The following RFX3 variants were observed in gnomAD, a reference collection of about 807,000 sequenced individuals.
The protein encoded by RFX3 is transcription factor RFX3.
RFX3 carries 14 observed loss-of-function variants against 98.6 expected under a neutral mutation model. The ratio of observed to expected loss-of-function variants is 0.14; its 90% CI spans 0.09 to 0.22. The LOEUF is 0.22. Among genes scored for constraint, RFX3 ranks in the 10% least tolerant of loss-of-function variants. The probability of loss-of-function intolerance (pLI) is 1.00; values close to 1 mark genes in which losing one functional copy is unlikely to be tolerated. For missense variants in RFX3, 639 were observed against 926.9 expected (o/e 0.69, Z 4.03); for synonymous variants, 383 against 328.4 (o/e 1.17, Z -1.80).
At chr9:3,304,513 T>C (rs2130199683) in intron 4 of RFX3, among the ~76,000 whole-genome samples, 1 of 152,074 alleles carries the variant, frequency 6.6e-6, no homozygotes, top group Non-Finnish European at 1.5e-5. Flanking sequence ...CCCACCCAAA[T>C]CTCATCTTGA....
At chr9:3,509,281 T>C (rs1036640824) in intron 1 of RFX3, among the ~76,000 whole-genome samples, 2 of 151,936 alleles carry the variant, frequency 1.3e-5, no homozygotes, top group African/African-American at 4.8e-5. Context: ...CTGCCAGTAT[T>C]TTACTTTTGT....
chr9:3,301,960 T>C (rs1214814507), intron 4 of RFX3, among the ~76,000 whole-genome samples: 1 of 151,918 alleles, frequency 6.6e-6, no homozygotes, highest in Non-Finnish European at 1.5e-5. Flanking sequence ...ATAGTAACTA[T>C]TCTCTTTCTA....
At chr9:3,475,834 C>G (rs902631428) in intron 1 of RFX3, among the ~76,000 whole-genome samples, 2 of 152,182 alleles carry the variant, frequency 1.3e-5, no homozygotes, top group African/African-American at 4.8e-5. Flanking sequence ...AGAGTGTCTT[C>G]TCTAAACTCC....
intron 15 of RFX3, 26 bp from the exon 16 acceptor site, chr9:3,228,915 A>G: frequency 1.3e-6 from 2 of 1,594,010 alleles, no homozygotes; most frequent in South Asian, 2.2e-5. Flanking sequence ...CATTTGTGCA[A>G]TAGTTAATAT....
At chr9:3,446,951 GAAA>G (rs991622693) in intron 1 of RFX3, among the ~76,000 whole-genome samples, 5 of 152,002 alleles carry the variant, frequency 3.3e-5, no homozygotes, top group Admixed American at 6.6e-5. Flanking sequence ...TCAGCTAATG[GAAA>G]AATTATTTTA....
At chr9:3,412,854 A>C (rs946765667) in intron 1 of RFX3, among the ~76,000 whole-genome samples, 1 of 152,180 alleles carries the variant, frequency 6.6e-6, no homozygotes, top group Non-Finnish European at 1.5e-5. Context: ...TTCCAAATTG[A>C]ATATTAATAA....
chr9:3,474,419 C>T (rs1210687092), intron 1 of RFX3, among the ~76,000 whole-genome samples: 2 of 152,276 alleles, frequency 1.3e-5, no homozygotes, highest in Non-Finnish European at 2.9e-5. Context: ...TATGAAAGTA[C>T]CACTGAAGTT....
intron 15 of RFX3, among the ~76,000 whole-genome samples, chr9:3,246,441 G>C (rs1380665538): frequency 6.6e-6 from 1 of 152,136 alleles, no homozygotes; most frequent in Non-Finnish European, 1.5e-5. Context: ...TTGTTCCCTA[G>C]AGATGCAAGG....
intron 1 of RFX3, among the ~76,000 whole-genome samples, chr9:3,431,222 G>A (rs1178751421): frequency 6.6e-6 from 1 of 152,092 alleles, no homozygotes; most frequent in Non-Finnish European, 1.5e-5. Context: ...ATCTCTTACA[G>A]TTCTCACGTA....
chr9:3,309,285 T>G (rs1294460306), intron 4 of RFX3, among the ~76,000 whole-genome samples: 1 of 152,028 alleles, frequency 6.6e-6, no homozygotes, highest in Non-Finnish European at 1.5e-5. Flanking sequence ...ACACAAAGAT[T>G]AGTGGAGCTC....
intron 2 of RFX3, among the ~76,000 whole-genome samples, chr9:3,372,739 C>A (rs1245783057): frequency 6.6e-6 from 1 of 151,890 alleles, no homozygotes; most frequent in South Asian, 2.1e-4. Flanking sequence ...GTGCCCGCCA[C>A]CACACCTAGC....
intron 12 of RFX3, among the ~76,000 whole-genome samples, chr9:3,263,436 G>C (rs1823182737): frequency 6.6e-6 from 1 of 151,972 alleles, no homozygotes; most frequent in South Asian, 2.1e-4. Context: ...TTTTTTTACT[G>C]TTCTTTGGAC....
chr9:3,313,348 C>G (rs1427918792), intron 4 of RFX3, among the ~76,000 whole-genome samples: 4 of 152,110 alleles, frequency 2.6e-5, no homozygotes, highest in African/African-American at 4.8e-5. Flanking sequence ...GACGTCCACA[C>G]CAAAACTCCA....
chr9:3,283,417 A>G (rs1826170091), intron 7 of RFX3, among the ~76,000 whole-genome samples: 1 of 151,350 alleles, frequency 6.6e-6, no homozygotes, highest in Non-Finnish European at 1.5e-5. Flanking sequence ...GCAGATGAAG[A>G]AACTGAGGCT....
chr9:3,247,744 A>G (rs1323861670), intron 15 of RFX3: 1 of 1,544,886 alleles, frequency 6.5e-7, no homozygotes, highest in Non-Finnish European at 8.7e-7. Context: ...AATATTTTTC[A>G]TATTCCAGTG....
intron 4 of RFX3, among the ~76,000 whole-genome samples, chr9:3,326,050 A>G (rs1831878475): frequency 6.6e-6 from 1 of 152,150 alleles, no homozygotes; most frequent in Admixed American, 6.5e-5. Flanking sequence ...ATATCCAGTG[A>G]TGATTCAATA....
chr9:3,453,991 T>C (rs114301725), intron 1 of RFX3, among the ~76,000 whole-genome samples: 2,567 of 152,288 alleles, frequency 0.017, 78 homozygotes, highest in African/African-American at 0.058. Flanking sequence ...TAAATAATTT[T>C]AGTAAAAATA....
At chr9:3,383,392 T>A (rs779331310) in intron 2 of RFX3, among the ~76,000 whole-genome samples, 3 of 152,318 alleles carry the variant, frequency 2.0e-5, no homozygotes, top group Non-Finnish European at 2.9e-5. Flanking sequence ...AAGTAAATTA[T>A]GTTCTTTACC....
chr9:3,462,087 G>C (rs978479115), intron 1 of RFX3, among the ~76,000 whole-genome samples: 7 of 151,918 alleles, frequency 4.6e-5, no homozygotes, highest in African/African-American at 1.7e-4. Context: ...TATGAGACCA[G>C]TGTTACCCTG....
Sources: allele counts gnomAD v4.1 joint callset (sites outside exome capture counted in the v4.1 genomes callset), GRCh38; gene constraint gnomAD v4.1.1; transcripts MANE v1.5; gene names NCBI Gene and HGNC (gene_info 2026-07-23, HGNC 2026-07-21).